MYO3B: variants seen among roughly 807,000 people sequenced by gnomAD.
The protein encoded by MYO3B is myosin IIIB, also known as myosin-IIIb.
MYO3B carries 156 observed loss-of-function variants against 174.6 expected under a neutral mutation model. That is an observed-to-expected ratio of 0.89 (90% CI 0.78 to 1.02). MYO3B has a LOEUF of 1.02. Among genes scored for constraint, MYO3B ranks in the 50% least tolerant of loss-of-function variants. MYO3B has a pLI of 0.00. For synonymous variants in MYO3B, 563 were observed against 569.1 expected (o/e 0.99, Z 0.15); for missense variants, 1,632 against 1,639.4 (o/e 1.00, Z 0.08).
At chr2:170,538,040 T>C (rs1689842180) in intron 30 of MYO3B, among the ~76,000 whole-genome samples, 1 of 152,142 alleles carries the variant, frequency 6.6e-6, no homozygotes, top group East Asian at 1.9e-4. Flanking sequence ...TCAAAATTAA[T>C]AAAAAGTACA....
At chr2:170,490,280 G>A (rs1265731893) in intron 25 of MYO3B, among the ~76,000 whole-genome samples, 7 of 151,922 alleles carry the variant, frequency 4.6e-5, no homozygotes, top group Non-Finnish European at 1.0e-4. Flanking sequence ...CGCCCTCCTC[G>A]GCCTCCCAAA....
rs1574629830 is a variant in MYO3B at position 170,235,361 on chromosome 2, A to G, written c.604-630A>G. Among the ~76,000 whole-genome samples the G allele has an allele frequency of 2.0e-5, 3 of 152,232 alleles. No individual in the cohort carries two copies. The South Asian group carries it at 6.2e-4, about 31-fold the overall frequency. ...TTACAGACTCCTCAACCCAATGACA[A>G]GCCCAGGGTCATTTTCTGGTTCTGC... On this transcript the variant is annotated intron_variant, in intron 6 of 34. Transcript: ENST00000408978.
At chr2:170,422,119 A>G (rs2105858664) in intron 22 of MYO3B, among the ~76,000 whole-genome samples, 1 of 152,314 alleles carries the variant, frequency 6.6e-6, no homozygotes, top group South Asian at 2.1e-4. Flanking sequence ...AAGAGCCTCC[A>G]GATTAGATGG....
At chr2:170,391,232 G>A (rs1000820195) in intron 14 of MYO3B, among the ~76,000 whole-genome samples, 4 of 152,070 alleles carry the variant, frequency 2.6e-5, no homozygotes, top group Non-Finnish European at 4.4e-5. Context: ...GGTAGTAGGC[G>A]TTTGGGCTGC....
At chr2:170,589,832 T>C (rs1024363271) in intron 32 of MYO3B, among the ~76,000 whole-genome samples, 3 of 152,232 alleles carry the variant, frequency 2.0e-5, no homozygotes, top group African/African-American at 7.2e-5. Context: ...TCGCATTCAC[T>C]CACTGACGCA....
chr2:170,626,067 T>G (rs770164712), intron 32 of MYO3B, among the ~76,000 whole-genome samples: 10 of 152,314 alleles, frequency 6.6e-5, no homozygotes, highest in African/African-American at 2.4e-5. Flanking sequence ...ATGTCTATTA[T>G]GTCTGCTTGG....
intron 32 of MYO3B, among the ~76,000 whole-genome samples, chr2:170,621,120 C>A (rs1483257871): frequency 6.6e-6 from 1 of 152,042 alleles, no homozygotes; most frequent in Non-Finnish European, 1.5e-5. Flanking sequence ...AACTCCTGAC[C>A]TCAAGCAATC....
chr2:170,544,013 T>C, intron 32 of MYO3B, 25 bp downstream of exon 32: 1 of 1,528,192 alleles, frequency 6.5e-7, no homozygotes, highest in Non-Finnish European at 9.1e-7. Context: ...TTGAATTGCA[T>C]GCGGCTTCTA....
intron 7 of MYO3B, among the ~76,000 whole-genome samples, chr2:170,241,945 G>A (rs543159160): frequency 2.0e-5 from 3 of 152,264 alleles, no homozygotes; most frequent in Non-Finnish European, 4.4e-5. Context: ...GCAGCAGGGA[G>A]CCCTGAGTCA....
intron 16 of MYO3B, among the ~76,000 whole-genome samples, chr2:170,396,802 G>T (rs561761364): frequency 1.3e-5 from 2 of 152,266 alleles, no homozygotes; most frequent in South Asian, 4.2e-4. Flanking sequence ...AGGTTTCAGA[G>T]CTTGTACTGT....
intron 32 of MYO3B, among the ~76,000 whole-genome samples, chr2:170,650,186 C>A (rs1698898741): frequency 6.6e-6 from 1 of 151,754 alleles, no homozygotes; most frequent in Non-Finnish European, 1.5e-5. Context: ...GCGCCCGCCA[C>A]CACGCCCAGC....
At chr2:170,387,620 G>T (rs1254163191) in intron 14 of MYO3B, among the ~76,000 whole-genome samples, 1 of 152,070 alleles carries the variant, frequency 6.6e-6, no homozygotes. Context: ...AATTGAACTT[G>T]TTGGTTAAAA....
At chr2:170,397,431 C>A (rs975579695) in intron 16 of MYO3B, among the ~76,000 whole-genome samples, 1 of 152,126 alleles carries the variant, frequency 6.6e-6, no homozygotes, top group Non-Finnish European at 1.5e-5. Flanking sequence ...TGTGAAAGTA[C>A]TTTTCTCTGT....
chr2:170,626,761 A>T (rs923053082), intron 32 of MYO3B, among the ~76,000 whole-genome samples: 1 of 152,222 alleles, frequency 6.6e-6, no homozygotes, highest in Admixed American at 6.5e-5. Context: ...AGAATCTCTC[A>T]GCATTTGCTT....
intron 7 of MYO3B, among the ~76,000 whole-genome samples, chr2:170,237,071 C>T (rs1370541612): frequency 6.6e-6 from 1 of 152,222 alleles, no homozygotes; most frequent in Non-Finnish European, 1.5e-5. Context: ...CAACCACCAA[C>T]CACTATTCCA....
At chr2:170,588,610 A>G (rs1693637277) in intron 32 of MYO3B, among the ~76,000 whole-genome samples, 1 of 152,238 alleles carries the variant, frequency 6.6e-6, no homozygotes, top group African/African-American at 2.4e-5. Context: ...GCTCCCACAC[A>G]GTCTTCTTTT....
intron 7 of MYO3B, among the ~76,000 whole-genome samples, chr2:170,240,745 T>C (rs2093121658): frequency 6.6e-6 from 1 of 152,204 alleles, no homozygotes; most frequent in East Asian, 1.9e-4. Flanking sequence ...TAGAATATTA[T>C]TAGCATCATG....
At position 170,492,053 on chromosome 2, in the gene MYO3B, CAA is replaced by C. The variant is rs60053193; in HGVS notation, c.3015-6524_3015-6523del. On this transcript the variant is annotated intron_variant, in intron 25 of 34. Transcript: ENST00000408978. ...GGGTGACAGAGATGAGACTCCGTCT[CAA>C]AAAAAAAAAAAAAAGATTTGTGATT... Among the ~76,000 whole-genome samples the C allele has an allele frequency of 9.8e-4, 109 of 111,088 alleles. No homozygotes were observed. The East Asian group carries it at 0.013, about 13-fold the overall frequency. 72.9% of individuals were successfully genotyped at this position (111,088 alleles called of 152,430 possible).
chr2:170,270,158 G>T (rs2093415702), intron 7 of MYO3B, among the ~76,000 whole-genome samples: 1 of 152,130 alleles, frequency 6.6e-6, no homozygotes, highest in African/African-American at 2.4e-5. Flanking sequence ...CTGAGGAGGG[G>T]AGTTATTTTA....
Sources: allele counts gnomAD v4.1 joint callset (sites outside exome capture counted in the v4.1 genomes callset), GRCh38; gene constraint gnomAD v4.1.1; transcripts MANE v1.5; gene names NCBI Gene and HGNC (gene_info 2026-07-23, HGNC 2026-07-21).